The following CTNNA3 variants were observed in gnomAD, a reference collection of about 807,000 sequenced individuals.
The protein encoded by CTNNA3 is catenin alpha 3.
In CTNNA3, 76 loss-of-function variants were observed where a neutral mutation model predicts 95.7. That is an observed-to-expected ratio of 0.79 (90% CI 0.66 to 0.96). The LOEUF is 0.96. Among genes scored for constraint, CTNNA3 ranks in the 40% least tolerant of loss-of-function variants. CTNNA3 has a pLI of 0.00. For missense variants in CTNNA3, 1,191 were observed against 1,089.8 expected, an observed-to-expected ratio of 1.09 and a Z score of -1.31; for synonymous variants, 431 against 374.4, an observed-to-expected ratio of 1.15 and a Z score of -1.74.
At chr10:66,293,003 T>A (rs2091711227) in intron 12 of CTNNA3, among the ~76,000 whole-genome samples, 1 of 152,160 alleles carries the variant, frequency 6.6e-6, no homozygotes, top group South Asian at 2.1e-4. Context: ...GTGTTTTTCT[T>A]TTACTGCAGG....
intron 7 of CTNNA3, among the ~76,000 whole-genome samples, chr10:66,857,567 G>A (rs991234092): frequency 6.6e-6 from 1 of 152,092 alleles, no homozygotes; most frequent in Non-Finnish European, 1.5e-5. Context: ...ATTTGCTTAT[G>A]TCATCTTTGA....
At chr10:67,009,144 C>T (rs894461661) in intron 7 of CTNNA3, among the ~76,000 whole-genome samples, 8 of 151,932 alleles carry the variant, frequency 5.3e-5, no homozygotes, top group African/African-American at 1.2e-4. Context: ...TTAACCTTAC[C>T]GTGATACAGA....
intron 1 of CTNNA3, among the ~76,000 whole-genome samples, chr10:67,694,426 T>A (rs1840925527): frequency 6.6e-6 from 1 of 152,088 alleles, no homozygotes; most frequent in African/African-American, 2.4e-5. Context: ...ATCTTAAATA[T>A]CACAACTTTT....
intron 5 of CTNNA3, among the ~76,000 whole-genome samples, chr10:67,401,514 C>G (rs1001268867): frequency 6.6e-6 from 1 of 152,118 alleles, no homozygotes; most frequent in African/African-American, 2.4e-5. Context: ...GATTTCCAAA[C>G]TGGAAAGGTA....
At chr10:67,354,735 G>A (rs911874071) in intron 5 of CTNNA3, among the ~76,000 whole-genome samples, 7 of 151,962 alleles carry the variant, frequency 4.6e-5, no homozygotes, top group African/African-American at 1.7e-4. Context: ...GGAAAAGTAT[G>A]TGCAGCAAAA....
intron 7 of CTNNA3, among the ~76,000 whole-genome samples, chr10:66,880,849 C>T (rs530815562): frequency 4.7e-4 from 71 of 152,224 alleles, no homozygotes; most frequent in African/African-American, 1.2e-3. Context: ...TAGAACTACA[C>T]GTAACCCTGA....
intron 7 of CTNNA3, among the ~76,000 whole-genome samples, chr10:66,945,445 G>C (rs1848226680): frequency 6.6e-6 from 1 of 152,104 alleles, no homozygotes; most frequent in South Asian, 2.1e-4. Context: ...GAATTGAAAG[G>C]ATCTAGGGCT....
At chr10:66,935,010 T>C (rs1847616607) in intron 7 of CTNNA3, among the ~76,000 whole-genome samples, 2 of 152,094 alleles carry the variant, frequency 1.3e-5, no homozygotes, top group East Asian at 3.8e-4. Flanking sequence ...TATGCTACCT[T>C]GAGTGGTGTT....
At chr10:66,569,235 A>C (rs114489409) in intron 10 of CTNNA3, among the ~76,000 whole-genome samples, 1 of 152,118 alleles carries the variant, frequency 6.6e-6, no homozygotes, top group Non-Finnish European at 1.5e-5. Flanking sequence ...GAAAATATTC[A>C]GCCAATATTT....
rs574069088 is a variant in CTNNA3 at position 66,132,079 on chromosome 10, ACAG to A, written c.1885-28833_1885-28831del. Among the ~76,000 whole-genome samples, 712 of 152,344 alleles carry A rather than the reference ACAG, an allele frequency of 4.7e-3. 5 individuals carry two copies. Among genetic ancestry groups the A allele is most frequent in the African/African-American group, 0.016 (668 of 41,576 alleles). ...ATCTACTTAAACTAAGAGCTTCTGC[ACAG>A]CAGAAGAAATTATCAACAGAGTAAA... On this transcript the variant is annotated intron_variant, in intron 13 of 17. Transcript: ENST00000433211.
At chr10:67,589,908 C>T (rs930360676) in intron 3 of CTNNA3, among the ~76,000 whole-genome samples, 1 of 151,982 alleles carries the variant, frequency 6.6e-6, no homozygotes, top group Admixed American at 6.6e-5. Flanking sequence ...TCCCCAACAA[C>T]AAAACTAAAT....
chr10:66,448,571 G>A lies in CTNNA3; in HGVS notation c.1532-69219C>T, dbSNP rs543206523. Among the ~76,000 whole-genome samples the A allele has an allele frequency of 1.6e-3, 235 of 151,444 alleles. 1 individual carries two copies. The highest frequency in any genetic ancestry group is 5.3e-3 in the African/African-American group (219 of 41,270). ...AAACCATCATTCTCAGCAAACTCTC[G>A]CAAGGACAAAAAACCAAACACTGCA... On this transcript the variant is annotated intron_variant, in intron 11 of 17. Transcript: ENST00000433211.
intron 13 of CTNNA3, among the ~76,000 whole-genome samples, chr10:66,174,737 G>A (rs888795515): frequency 6.6e-6 from 1 of 151,900 alleles, no homozygotes. Flanking sequence ...GTAAACATGG[G>A]GGTCCTGGAA....
At chr10:67,045,983 T>TG (rs566743379) in intron 7 of CTNNA3, among the ~76,000 whole-genome samples, 6 of 152,322 alleles carry the variant, frequency 3.9e-5, no homozygotes, top group African/African-American at 1.4e-4. Context: ...ACATCATGTT[T>TG]GATCCATTGA....
At chr10:66,489,682 T>C (rs1215604961) in intron 11 of CTNNA3, among the ~76,000 whole-genome samples, 1 of 152,184 alleles carries the variant, frequency 6.6e-6, no homozygotes, top group African/African-American at 2.4e-5. Flanking sequence ...TCATGAGGCT[T>C]TAGGTATACT....
chr10:66,083,151 G>C (rs958339307), intron 14 of CTNNA3, among the ~76,000 whole-genome samples: 1 of 152,086 alleles, frequency 6.6e-6, no homozygotes. Context: ...CAATTTGAAT[G>C]TTATTAATAG....
intron 14 of CTNNA3, among the ~76,000 whole-genome samples, chr10:66,100,259 C>T (rs938140416): frequency 3.3e-5 from 5 of 152,072 alleles, no homozygotes; most frequent in East Asian, 3.9e-4. Context: ...ATCTTAGAAA[C>T]AGAATAGGGT....
intron 11 of CTNNA3, among the ~76,000 whole-genome samples, chr10:66,426,064 T>C (rs1302607336): frequency 1.3e-5 from 2 of 152,156 alleles, no homozygotes; most frequent in African/African-American, 4.8e-5. Flanking sequence ...GACTGTTTCA[T>C]TCATTTTCAT....
chr10:66,200,225 GAAGGT>G (rs1464095841), intron 13 of CTNNA3, among the ~76,000 whole-genome samples: 17 of 146,132 alleles, frequency 1.2e-4, no homozygotes, highest in East Asian at 8.7e-4. Flanking sequence ...GAAGGGAAGG[GAAGGT>G]AAGGGAAGGG....
Sources: gnomAD v4.1 joint callset for allele counts (sites outside exome capture counted in the v4.1 genomes callset) on GRCh38, gnomAD v4.1.1 for gene constraint, MANE v1.5 for transcripts, NCBI Gene and HGNC (gene_info 2026-07-23, HGNC 2026-07-21) for gene names.